PTPRD: variants seen among roughly 807,000 people sequenced by gnomAD.
PTPRD encodes protein tyrosine phosphatase receptor type D.
In PTPRD, 34 loss-of-function variants were observed where a neutral mutation model predicts 214.5. The ratio of observed to expected loss-of-function variants is 0.16; its 90% confidence interval spans 0.12 to 0.21. The LOEUF (loss-of-function observed/expected upper bound fraction) is 0.21. Ranked by LOEUF, PTPRD falls within the 10% of genes least tolerant of loss-of-function variation. The pLI, the probability that PTPRD is intolerant of heterozygous loss-of-function variation, is 1.00. For missense variants in PTPRD, 2,545 were observed against 2,398.7 expected (o/e 1.06, Z -1.27); for synonymous variants, 1,128 against 845.7 (o/e 1.33, Z -5.79).
chr9:8,953,947 G>A (rs2099117500), intron 11 of PTPRD, among the ~76,000 whole-genome samples: 1 of 151,932 alleles, frequency 6.6e-6, no homozygotes, highest in Non-Finnish European at 1.5e-5. Context: ...ATTTCTTAGA[G>A]AACTTAAAAC....
chr9:8,883,347 G>T (rs187196138), intron 11 of PTPRD, among the ~76,000 whole-genome samples: 7 of 152,186 alleles, frequency 4.6e-5, no homozygotes, highest in Non-Finnish European at 4.4e-5. Context: ...GTAGAGAGAG[G>T]TGATTTCTTT....
At chr9:8,672,445 A>G (rs981290952) in intron 12 of PTPRD, among the ~76,000 whole-genome samples, 1 of 152,224 alleles carries the variant, frequency 6.6e-6, no homozygotes, top group African/African-American at 2.4e-5. Context: ...AACTTTGTCT[A>G]AATGTAATCT....
intron 2 of PTPRD, among the ~76,000 whole-genome samples, chr9:10,376,924 G>C (rs2097740642): frequency 6.6e-6 from 1 of 151,880 alleles, no homozygotes; most frequent in Admixed American, 6.6e-5. Context: ...TAGTCTTTTA[G>C]TGACTTTTAA....
At chr9:9,518,025 A>G (rs957486899) in intron 8 of PTPRD, among the ~76,000 whole-genome samples, 96 of 152,066 alleles carry the variant, frequency 6.3e-4, no homozygotes, top group African/African-American at 2.3e-3. Flanking sequence ...ATATTTCTCT[A>G]TATTTACTTT....
intron 3 of PTPRD, among the ~76,000 whole-genome samples, chr9:10,267,653 T>C (rs2094157343): frequency 1.3e-5 from 2 of 152,218 alleles, no homozygotes; most frequent in Non-Finnish European, 1.5e-5. Context: ...CATTTTGGCA[T>C]GTCTTACCAG....
intron 4 of PTPRD, among the ~76,000 whole-genome samples, chr9:9,966,337 C>T (rs892441647): frequency 1.3e-5 from 2 of 152,114 alleles, no homozygotes; most frequent in Non-Finnish European, 2.9e-5. Flanking sequence ...GGTTCATAGA[C>T]CTCGTGATTA....
At chr9:9,369,095 C>A (rs1009027698) in intron 9 of PTPRD, among the ~76,000 whole-genome samples, 2 of 152,010 alleles carry the variant, frequency 1.3e-5, no homozygotes, top group African/African-American at 4.8e-5. Flanking sequence ...ATGAACTCAT[C>A]CTTTTTTATG....
intron 3 of PTPRD, among the ~76,000 whole-genome samples, chr9:10,192,935 C>A (rs2099376814): frequency 6.6e-6 from 1 of 152,158 alleles, no homozygotes; most frequent in South Asian, 2.1e-4. Flanking sequence ...TTCCCAAGAG[C>A]TCTATGAATT....
intron 10 of PTPRD, among the ~76,000 whole-genome samples, chr9:9,175,867 G>A (rs2099924509): frequency 6.6e-6 from 1 of 151,970 alleles, no homozygotes; most frequent in Non-Finnish European, 1.5e-5. Flanking sequence ...TATTATAAAT[G>A]CGGAGCCATA....
chr9:9,167,754 TTAAA>T (rs375580519), intron 10 of PTPRD, among the ~76,000 whole-genome samples: 146 of 152,178 alleles, frequency 9.6e-4, no homozygotes, highest in African/African-American at 3.5e-3. Flanking sequence ...AAACTCTGTC[TTAAA>T]TAAATAAATA....
chr9:8,942,477 G>T (rs1323559733), intron 11 of PTPRD, among the ~76,000 whole-genome samples: 1 of 152,178 alleles, frequency 6.6e-6, no homozygotes, highest in African/African-American at 2.4e-5. Flanking sequence ...TGGACTTGCA[G>T]TTAGTGATGA....
intron 5 of PTPRD, among the ~76,000 whole-genome samples, chr9:9,823,469 G>A (rs2051519602): frequency 6.6e-6 from 1 of 151,988 alleles, no homozygotes; most frequent in Non-Finnish European, 1.5e-5. Flanking sequence ...TCCAGCATTG[G>A]GGATTACAAT....
intron 3 of PTPRD, among the ~76,000 whole-genome samples, chr9:10,168,460 T>C (rs1407355): frequency 0.16 from 23,694 of 152,166 alleles, 2,218 homozygotes; most frequent in African/African-American, 0.25. Context: ...CCATGTCCTT[T>C]GTGAAACCTT....
intron 10 of PTPRD, among the ~76,000 whole-genome samples, chr9:9,123,964 A>G (rs2099820053): frequency 6.8e-6 from 1 of 147,410 alleles, no homozygotes; most frequent in South Asian, 2.2e-4. Flanking sequence ...TAAATTGACC[A>G]GTGGGCAGCT....
At chr9:9,855,783 C>T (rs1167853378) in intron 5 of PTPRD, among the ~76,000 whole-genome samples, 1 of 152,148 alleles carries the variant, frequency 6.6e-6, no homozygotes, top group African/African-American at 2.4e-5. Flanking sequence ...ATGGCAAGTC[C>T]AGGAGGGATG....
At chr9:9,178,378 T>C (rs1403316926) in intron 10 of PTPRD, among the ~76,000 whole-genome samples, 1 of 152,038 alleles carries the variant, frequency 6.6e-6, no homozygotes, top group African/African-American at 2.4e-5. Flanking sequence ...CTTCTTTCCT[T>C]TTTTCTTTCC....
chr9:8,794,996 T>C (rs2096367112), intron 11 of PTPRD, among the ~76,000 whole-genome samples: 1 of 151,782 alleles, frequency 6.6e-6, no homozygotes, highest in Admixed American at 6.6e-5. Flanking sequence ...AAGTTGTTTA[T>C]CTTCTTGGCA....
intron 3 of PTPRD, among the ~76,000 whole-genome samples, chr9:10,162,732 C>A (rs1470415620): frequency 7.3e-6 from 1 of 136,540 alleles, no homozygotes; most frequent in African/African-American, 2.6e-5. Flanking sequence ...TATACATGTA[C>A]ATATATATAT....
chr9:8,961,680 C>A (rs745914810), intron 11 of PTPRD, among the ~76,000 whole-genome samples: 20 of 152,104 alleles, frequency 1.3e-4, no homozygotes, highest in African/African-American at 1.9e-4. Flanking sequence ...CCACTGCCTG[C>A]TAGGCTACTT....
Sources: gnomAD v4.1 joint callset for allele counts (sites outside exome capture counted in the v4.1 genomes callset) on GRCh38, gnomAD v4.1.1 for gene constraint, MANE v1.5 for transcripts, NCBI Gene and HGNC (gene_info 2026-07-23, HGNC 2026-07-21) for gene names.